Variants in RAE1 observed in about 807,000 individuals in gnomAD.
The protein encoded by RAE1 is ribonucleic acid export 1.
In RAE1, 13 loss-of-function variants were observed where a neutral mutation model predicts 52.7. The ratio of observed to expected loss-of-function variants is 0.25; its 90% CI spans 0.16 to 0.39. The LOEUF (loss-of-function observed/expected upper bound fraction) is 0.39. Ranked by LOEUF, RAE1 falls within the 10% of genes least tolerant of loss-of-function variation. The pLI is 1.00. For synonymous variants in RAE1, 164 were observed against 153.1 expected (o/e 1.07, Z -0.52); for missense variants, 262 against 459.8 (o/e 0.57, Z 3.93).
chr20:57,360,867 T>G (rs1215819216), intron 4 of RAE1, among the ~76,000 whole-genome samples: 2 of 152,216 alleles, frequency 1.3e-5, no homozygotes, highest in African/African-American at 4.8e-5. Context: ...GCTGCATTTG[T>G]GCATGCTTGA....
intron 2 of RAE1, 73 bp from the exon 3 acceptor site, chr20:57,354,639 T>C (rs2066757858): frequency 9.3e-7 from 1 of 1,080,976 alleles, no homozygotes; most frequent in Non-Finnish European, 1.3e-6. Context: ...GTGAGGTAAT[T>C]AGTGAGAAAG....
intron 3 of RAE1, 81 bp from the exon 4 acceptor site, chr20:57,356,365 T>C: frequency 9.5e-7 from 1 of 1,055,780 alleles, no homozygotes; most frequent in Non-Finnish European, 1.4e-6. Context: ...GGTTAAGGTG[T>C]ACCCCATTAG....
chr20:57,370,397 T>C (rs967224205), intron 8 of RAE1, among the ~76,000 whole-genome samples: 2 of 152,202 alleles, frequency 1.3e-5, no homozygotes, highest in African/African-American at 4.8e-5. Flanking sequence ...GGCTCTTCTA[T>C]CCTTGCTGGC....
chr20:57,373,555 T>C lies in RAE1; in HGVS notation c.723T>C (p.Ala241=). 1 of 1,614,168 alleles carries C rather than the reference T, an allele frequency of 6.2e-7. No individual in the cohort carries two copies. The highest frequency in any genetic ancestry group is 8.5e-7 in the Non-Finnish European group (1 of 1,179,978). ...FALGSIEGRV[A]IHYINPPNPA... ...TGGGAAGTATCGAGGGGAGAGTTGC[T>C]ATTCACTATATCAACCCCCCGAACC... is the stretch of plus-strand genomic sequence containing the variant. Residue 241 remains alanine (A), a synonymous_variant, in exon 9 of 12, where the codon GCT becomes GCC. Transcript: ENST00000395841.
chr20:57,365,499 C>A lies in RAE1; in HGVS notation c.375+57C>A, dbSNP rs867624183. 13 of 1,181,728 alleles carry A rather than the reference C, an allele frequency of 1.1e-5. No individual in the cohort carries two copies. The African/African-American group carries it at 1.7e-4, about 16-fold the overall frequency. 73.2% of individuals were successfully genotyped at this position (1,181,728 alleles called of 1,614,324 possible). ...CAACTGGTACCCAGGACTGTGATGG[C>A]TCTTTAAGTGAAATAATTATTATAA... is the stretch of plus-strand genomic sequence containing the variant. On this transcript the variant is annotated intron_variant, in intron 5 of 11. Transcript: ENST00000395841.
At chr20:57,377,577 C>T (rs1235889867) in intron 11 of RAE1, among the ~76,000 whole-genome samples, 5 of 152,202 alleles carry the variant, frequency 3.3e-5, no homozygotes, top group East Asian at 1.9e-4. Flanking sequence ...TGCTGTGCTC[C>T]GTGTCTGTTG....
chr20:57,357,881 A>G (rs969478919), intron 4 of RAE1: 4 of 152,168 alleles, frequency 2.6e-5, no homozygotes, highest in Non-Finnish European at 2.9e-5. Context: ...TCTTGTGATG[A>G]GTATGTGTAA....
Position 57,373,442 on chromosome 20 carries a change from T to C in RAE1, c.643-33T>C, listed in dbSNP as rs1477650738. On this transcript the variant is annotated intron_variant, in intron 8 of 11. Transcript: ENST00000395841. ...TTAGTCATGAAATCTTATATTATGC[T>C]GTGATTATGTCTCTTTTTTATTTTA... 4 of 1,581,782 alleles carry C rather than the reference T, an allele frequency of 2.5e-6. No homozygotes were observed. In the East Asian group the frequency reaches 6.7e-5, roughly 27 times the overall value.
rs2067141511 is a variant in RAE1, at chr20:57,378,059, G to A, written c.1067G>A (p.Arg356His). The change falls in exon 12 of 12, where the codon CGT becomes CAT. Residue 356 changes from arginine (R) to histidine (H), a missense_variant. Physicochemically the swap from Arg to His is conservative, Grantham distance 29. Coordinates refer to ENST00000395841, the MANE Select transcript of RAE1 (RefSeq NM_003610.4). ...CAGAAAAAAAATTACATTTTCCTGC[G>A]TAATGCAGCCGAAGAGCTAAAGCCC... The part of the protein sequence containing the change: ...NPQKKNYIFL[R>H]NAAEELKPRN... The A allele has an allele frequency of 2.5e-6, 4 of 1,613,058 alleles. No individual in the cohort carries two copies. Among genetic ancestry groups the A allele is most frequent in the Non-Finnish European group, 2.5e-6 (3 of 1,179,160 alleles).
At position 57,374,816 on chromosome 20, in the gene RAE1, G is replaced by A. The variant is rs41310034; in HGVS notation, c.1020+15G>A. 2 of 1,614,022 alleles carry A rather than the reference G, an allele frequency of 1.2e-6. No individual in the cohort carries two copies. Among genetic ancestry groups the A allele is most frequent in the East Asian group, 4.5e-5 (2 of 44,874 alleles). ...ACTGGTCAAAGGTGAGAACTCCCGGGCCTGCTCTGGGTGCTCCAAGGCAGC... is the reference window on the plus strand; with the variant it reads ...ACTGGTCAAAGGTGAGAACTCCCGGACCTGCTCTGGGTGCTCCAAGGCAGC... On this transcript the variant is annotated intron_variant, in intron 11 of 11. Transcript: ENST00000395841.
In RAE1 at chr20:57,367,739, CAAA is replaced by C. The variant is rs374097734; in HGVS notation, c.534+676_534+678del. Among the ~76,000 whole-genome samples the C allele has an allele frequency of 4.1e-4, 28 of 68,106 alleles. No homozygotes were observed. In the East Asian group the frequency reaches 4.5e-3, roughly 11 times the overall value. 44.7% of individuals were successfully genotyped at this position (68,106 alleles called of 152,430 possible). The stretch of plus-strand genomic sequence containing the variant: ...TTGGTGATAGAGTGAGATACTATCT[CAAA>C]AAAAAAAAAAAAAAAGGAAAGAAAA... On this transcript the variant is annotated intron_variant, in intron 7 of 11. Transcript: ENST00000395841.
chr20:57,369,957 C>T (rs549890867), intron 8 of RAE1, among the ~76,000 whole-genome samples: 1 of 152,202 alleles, frequency 6.6e-6, no homozygotes, highest in African/African-American at 2.4e-5. Flanking sequence ...GACCCATGCC[C>T]TCCAGCCTTC....
chr20:57,360,242 C>T (rs2081908322), intron 4 of RAE1, among the ~76,000 whole-genome samples: 1 of 152,180 alleles, frequency 6.6e-6, no homozygotes. Flanking sequence ...CTGCTAAATC[C>T]TCCTTAAGCC....
intron 10 of RAE1, among the ~76,000 whole-genome samples, chr20:57,374,124 C>A (rs1320109779): frequency 6.6e-6 from 1 of 152,240 alleles, no homozygotes; most frequent in African/African-American, 2.4e-5. Context: ...TTGTGATTTG[C>A]CCGCCTCGGC....
intron 1 of RAE1, among the ~76,000 whole-genome samples, chr20:57,352,674 A>G (rs1181422633): frequency 1.3e-5 from 2 of 152,296 alleles, no homozygotes; most frequent in East Asian, 1.9e-4. Flanking sequence ...AGTGAAAGTA[A>G]TATTTATTAA....
chr20:57,351,348 C>G lies in RAE1; in HGVS notation c.-82C>G. On this transcript the variant is annotated 5_prime_UTR_variant, in exon 1 of 12. Coordinates refer to ENST00000395841, the MANE Select transcript of RAE1 (RefSeq NM_003610.4). ...CCGCGCTCCTGGCCCTCGTCCTTCG[C>G]GCCAGAGCAGGTTCGCAAACTCCTC... 1 of 985,436 alleles carries G rather than the reference C, an allele frequency of 1.0e-6. No homozygotes were observed. The highest frequency in any genetic ancestry group is 1.2e-6 in the Non-Finnish European group (1 of 829,930). 61.0% of individuals were successfully genotyped at this position (985,436 alleles called of 1,614,324 possible).
At chr20:57,368,406 A>G (rs1316130212) in intron 7 of RAE1, among the ~76,000 whole-genome samples, 3 of 152,228 alleles carry the variant, frequency 2.0e-5, no homozygotes, top group Admixed American at 1.3e-4. Context: ...CTGAGAACAA[A>G]GGCTGGAATA....
intron 4 of RAE1, chr20:57,358,762 C>A (rs183391348): frequency 3.3e-5 from 13 of 388,978 alleles, no homozygotes; most frequent in Non-Finnish European, 5.5e-5. Flanking sequence ...TAACTTACTC[C>A]GTTTATCAAA....
chr20:57,351,731 G>T (rs867770693), intron 1 of RAE1: 5 of 985,402 alleles, frequency 5.1e-6, no homozygotes, highest in South Asian at 9.4e-5. Context: ...ATACATGTCA[G>T]CTCCTGGGAG....
Sources: gnomAD v4.1 joint callset for allele counts (sites outside exome capture counted in the v4.1 genomes callset) on GRCh38, gnomAD v4.1.1 for gene constraint, MANE v1.5 for transcripts, NCBI Gene and HGNC (gene_info 2026-07-23, HGNC 2026-07-21) for gene names.